CCDC74A: variants seen among roughly 807,000 people sequenced by gnomAD.
CCDC74A encodes the protein coiled-coil domain-containing protein 74A.
CCDC74A carries 38 observed loss-of-function variants against 37.6 expected under a neutral mutation model. That is an observed-to-expected ratio of 1.01 (90% CI 0.78 to 1.33). The LOEUF (loss-of-function observed/expected upper bound fraction) is 1.33. Among genes scored for constraint, CCDC74A ranks in the 40% most tolerant of loss-of-function variants. The pLI is 0.00. For synonymous variants in CCDC74A, 134 were observed against 165.2 expected, an observed-to-expected ratio of 0.81 and a Z score of 1.45; for missense variants, 340 against 403.4, an observed-to-expected ratio of 0.84 and a Z score of 1.35.
At chr2:131,530,672 C>T in intron 2 of CCDC74A, 105 bp from the exon 3 acceptor site, 2 of 1,612,998 alleles carry the variant, frequency 1.2e-6, no homozygotes, top group Non-Finnish European at 1.7e-6. Flanking sequence ...CCGGGAGGAC[C>T]CAGCCCTGCC....
chr2:131,533,070 G>C lies in CCDC74A; in HGVS notation c.809+1G>C. On this transcript the variant is annotated splice_donor_variant, in intron 7 of 7. Coordinates refer to ENST00000409856, the MANE Select transcript of CCDC74A (RefSeq NM_001258306.3). LOFTEE classifies it high-confidence loss of function. ...CCACCAAGAGCCTCTCCAAGAAATG[G>C]TAAGTCCCACAGGCATGGGGACAGT... The C allele has an allele frequency of 6.2e-7, 1 of 1,613,820 alleles. No individual in the cohort carries two copies. Among genetic ancestry groups the C allele is most frequent in the Non-Finnish European group, 8.5e-7 (1 of 1,179,852 alleles).
intron 7 of CCDC74A, 90 bp downstream of exon 7, chr2:131,533,159 C>T: frequency 1.2e-6 from 2 of 1,609,242 alleles, no homozygotes; most frequent in Non-Finnish European, 8.5e-7. Context: ...AGCGCAGAAG[C>T]AGAGCTCGCT....
chr2:131,522,909 G>T (rs1680171218), upstream of CCDC74A, among the ~76,000 whole-genome samples: 1 of 152,262 alleles, frequency 6.6e-6, no homozygotes, highest in South Asian at 2.1e-4. Flanking sequence ...AAATGAGAGA[G>T]AACTCTCTGT....
chr2:131,528,661 A>G (rs1680633762), intron 1 of CCDC74A: 7 of 483,704 alleles, frequency 1.4e-5, no homozygotes, highest in Admixed American at 1.1e-4. Flanking sequence ...ATACAAAACA[A>G]TTAGCTAGGC....
upstream of CCDC74A, among the ~76,000 whole-genome samples, chr2:131,525,711 C>CTTTTTTTTTTTTTT (rs58721770): frequency 2.2e-4 from 14 of 63,456 alleles, no homozygotes; most frequent in African/African-American, 1.1e-3. Context: ...CTATGCCTGC[C>CTTTTTTTTTTTTTT]TTTTTTTTTT....
upstream of CCDC74A, among the ~76,000 whole-genome samples, chr2:131,524,886 CAAAAAAA>C (rs57589680): frequency 0.06 from 5,889 of 98,250 alleles, 146 homozygotes; most frequent in Non-Finnish European, 0.086. Context: ...CATAGTAAGA[CAAAAAAA>C]AAAAAAAAAA....
intron 2 of CCDC74A, chr2:131,530,278 T>C: frequency 6.5e-7 from 1 of 1,543,720 alleles, no homozygotes; most frequent in African/African-American, 1.4e-5. Context: ...CTTCCCATTA[T>C]CTTTGGGGCT....
chr2:131,529,917 T>C (rs1010208339), intron 2 of CCDC74A: 23 of 1,500,006 alleles, frequency 1.5e-5, no homozygotes, highest in Middle Eastern at 1.8e-4. Flanking sequence ...CCTGAGGTCA[T>C]TGCAGTGGGG....
upstream of CCDC74A, chr2:131,527,609 C>T (rs1680406702): frequency 1.6e-5 from 4 of 243,418 alleles, no homozygotes; most frequent in Admixed American, 1.7e-4. Flanking sequence ...ATTCTCCTGC[C>T]TCAGCCTCCA....
chr2:131,530,261 A>G (rs775412202), intron 2 of CCDC74A: 68 of 1,544,810 alleles, frequency 4.4e-5, no homozygotes, highest in Non-Finnish European at 5.4e-5. Context: ...CTGTGGTCTC[A>G]AGCTCACTTC....
chr2:131,523,337 C>A (rs1680189241), upstream of CCDC74A, among the ~76,000 whole-genome samples: 2 of 152,158 alleles, frequency 1.3e-5, no homozygotes, highest in South Asian at 4.1e-4. Flanking sequence ...GTCAAGAATT[C>A]CTACTTTTGG....
At chr2:131,528,630 G>A in intron 1 of CCDC74A, 2 of 681,138 alleles carry the variant, frequency 2.9e-6, no homozygotes, top group Non-Finnish European at 5.1e-6. Context: ...CTAACACGGT[G>A]AAATCTCGTC....
At chr2:131,529,817 G>A (rs779214153) in intron 2 of CCDC74A, 126 bp downstream of exon 2, 7 of 1,542,770 alleles carry the variant, frequency 4.5e-6, no homozygotes, top group Non-Finnish European at 6.1e-6. Context: ...CAGGTTCTGG[G>A]GGACCTGGAC....
chr2:131,524,157 C>T (rs898397110), upstream of CCDC74A, among the ~76,000 whole-genome samples: 1 of 152,178 alleles, frequency 6.6e-6, no homozygotes, highest in African/African-American at 2.4e-5. Context: ...GCTGAAGACC[C>T]ATCCGGATTC....
chr2:131,533,404 C>G lies in CCDC74A; in HGVS notation c.*6C>G, dbSNP rs533613009. 1 of 1,613,314 alleles carries G rather than the reference C, an allele frequency of 6.2e-7. No individual in the cohort carries two copies. Among genetic ancestry groups the G allele is most frequent in the African/African-American group, 1.3e-5 (1 of 75,040 alleles). Reference sequence around the variant, plus strand: ...TGCATCGCTCAGTGCTTTGAGCCACCCCAATCTGGTCAGTGCCAGGCCCAC... The same window carrying G: ...TGCATCGCTCAGTGCTTTGAGCCACGCCAATCTGGTCAGTGCCAGGCCCAC... On this transcript the variant is annotated 3_prime_UTR_variant, in exon 8 of 8. Coordinates refer to ENST00000409856, the MANE Select transcript of CCDC74A (RefSeq NM_001258306.3).
Position 131,533,403 on chromosome 2 carries a change from C to G in CCDC74A, c.*5C>G. On this transcript the variant is annotated 3_prime_UTR_variant, in exon 8 of 8. Coordinates refer to ENST00000409856, the MANE Select transcript of CCDC74A (RefSeq NM_001258306.3). The stretch of plus-strand genomic sequence containing the variant: ...CTGCATCGCTCAGTGCTTTGAGCCA[C>G]CCCAATCTGGTCAGTGCCAGGCCCA... 1 of 1,613,354 alleles carries G rather than the reference C, an allele frequency of 6.2e-7. No individual in the cohort carries two copies. The highest frequency in any genetic ancestry group is 8.5e-7 in the Non-Finnish European group (1 of 1,179,942).
At chr2:131,529,800 G>T (rs1680907246) in intron 2 of CCDC74A, 109 bp downstream of exon 2, 2 of 1,554,830 alleles carry the variant, frequency 1.3e-6, no homozygotes, top group Admixed American at 3.8e-5. Context: ...TGCCAACCCA[G>T]TGGGTACAGG....
Position 131,528,097 on chromosome 2 carries a change from C to T in CCDC74A, c.127C>T (p.Gln43Ter), listed in dbSNP as rs1284670758. 1 of 1,613,430 alleles carries T rather than the reference C, an allele frequency of 6.2e-7. No individual in the cohort carries two copies. Among genetic ancestry groups the T allele is most frequent in the Non-Finnish European group, 8.5e-7 (1 of 1,179,752 alleles). Residue 43 changes from glutamine to a stop codon, truncating the protein, a stop_gained, in exon 1 of 8, where the codon CAG (glutamine) becomes TAG (stop). Coordinates refer to ENST00000409856, the MANE Select transcript of CCDC74A (RefSeq NM_001258306.3). LOFTEE classifies it high-confidence loss of function. ...SLRPQSPQLRQSDPQKRNLDL... is the reference protein window; with the variant it reads ...SLRPQSPQLR ...GAGGCCGCAGAGCCCGCAGCTCAGG[C>T]AGAGCGACCCGCAGAAACGGAACCT...
rs751926921 is a variant in CCDC74A at position 131,528,183 on chromosome 2, C to T, written c.213C>T (p.Leu71=). The T allele has an allele frequency of 1.9e-6, 3 of 1,613,746 alleles. No homozygotes were observed. Among genetic ancestry groups the T allele is most frequent in the Non-Finnish European group, 2.5e-6 (3 of 1,179,812 alleles). ...AGCACTCGGAGATGCTGGCCAAGCT[C>T]CATGAGGAGATCGAGCATCTGAAGC... The part of the protein sequence containing the change: ...QQQHSEMLAK[L]HEEIEHLKRE... Residue 71 remains leucine, a synonymous_variant, in exon 1 of 8, where the codon CTC becomes CTT. Coordinates refer to ENST00000409856, the MANE Select transcript of CCDC74A (RefSeq NM_001258306.3).
Sources: gnomAD v4.1 joint callset for allele counts (sites outside exome capture counted in the v4.1 genomes callset) on GRCh38, gnomAD v4.1.1 for gene constraint, MANE v1.5 for transcripts, NCBI Gene and HGNC (gene_info 2026-07-23, HGNC 2026-07-21) for gene names.